The following MALRD1 variants were observed in gnomAD, a reference collection of about 807,000 sequenced individuals.
MALRD1 encodes MAM and LDL receptor class A domain containing 1.
A neutral mutation model predicts 242.1 loss-of-function variants in MALRD1; 247 were observed. That is an observed-to-expected ratio of 1.02 (90% CI 0.92 to 1.13). MALRD1 has a LOEUF of 1.13. Among genes scored for constraint, MALRD1 ranks in the 50% most tolerant of loss-of-function variants. MALRD1 has a pLI of 0.00. For missense variants in MALRD1, 2,989 were observed against 2,533.1 expected, an observed-to-expected ratio of 1.18 and a Z score of -3.86; for synonymous variants, 995 against 866.6, an observed-to-expected ratio of 1.15 and a Z score of -2.60.
At chr10:19,403,471 G>T (rs1846955833) in intron 28 of MALRD1, among the ~76,000 whole-genome samples, 1 of 152,050 alleles carries the variant, frequency 6.6e-6, no homozygotes, top group African/African-American at 2.4e-5. Context: ...ATTGAGCATT[G>T]CTTTGCCCTC....
At chr10:19,705,898 C>G (rs1304524931) in intron 38 of MALRD1, among the ~76,000 whole-genome samples, 3 of 150,850 alleles carry the variant, frequency 2.0e-5, no homozygotes, top group Non-Finnish European at 2.9e-5. Context: ...AAACATTCTA[C>G]CCCTTACCCT....
chr10:19,185,591 T>C (rs1321107908), intron 14 of MALRD1, among the ~76,000 whole-genome samples: 1 of 152,180 alleles, frequency 6.6e-6, no homozygotes, highest in Non-Finnish European at 1.5e-5. Context: ...TACAGAAATA[T>C]GTGCATTAGA....
chr10:19,130,290 T>C (rs1467252766), intron 8 of MALRD1, among the ~76,000 whole-genome samples: 1 of 152,142 alleles, frequency 6.6e-6, no homozygotes, highest in Non-Finnish European at 1.5e-5. Flanking sequence ...CCACCATTCA[T>C]GCCTCAATAT....
chr10:19,278,557 C>T (rs1300653534), intron 19 of MALRD1, among the ~76,000 whole-genome samples: 6 of 152,066 alleles, frequency 3.9e-5, no homozygotes, highest in African/African-American at 1.4e-4. Flanking sequence ...CTACCATATG[C>T]CATGGTCCAT....
chr10:19,184,651 T>C (rs770012880), intron 14 of MALRD1, among the ~76,000 whole-genome samples: 4 of 152,076 alleles, frequency 2.6e-5, no homozygotes, highest in Non-Finnish European at 5.9e-5. Context: ...CGGATTCAAG[T>C]GATTCTCCTG....
intron 36 of MALRD1, among the ~76,000 whole-genome samples, chr10:19,627,686 G>A (rs1202232169): frequency 2.6e-5 from 4 of 151,194 alleles, no homozygotes; most frequent in Non-Finnish European, 4.4e-5. Flanking sequence ...ACTTGAACAC[G>A]GTGGGCAGAG....
At chr10:19,687,923 GTTATGTTATGTTA>G (rs1842646621) in intron 36 of MALRD1, among the ~76,000 whole-genome samples, 1 of 46,512 alleles carries the variant, frequency 2.1e-5, no homozygotes, top group African/African-American at 1.0e-4. Context: ...GTTATGTTAT[GTTATGTTATGTTA>G]TGTTATGTTA....
At chr10:19,147,062 G>T (rs1439931070) in intron 11 of MALRD1, among the ~76,000 whole-genome samples, 1 of 151,682 alleles carries the variant, frequency 6.6e-6, no homozygotes, top group Non-Finnish European at 1.5e-5. Context: ...TCGCCATGTT[G>T]CCCAGGTTGA....
chr10:19,538,409 C>G (rs1454215607), intron 32 of MALRD1, among the ~76,000 whole-genome samples: 1 of 152,120 alleles, frequency 6.6e-6, no homozygotes, highest in Non-Finnish European at 1.5e-5. Context: ...ACCAGAAGAA[C>G]TTACAAAGAT....
intron 5 of MALRD1, among the ~76,000 whole-genome samples, chr10:19,111,965 T>C (rs547167645): frequency 6.6e-6 from 1 of 152,080 alleles, no homozygotes; most frequent in African/African-American, 2.4e-5. Context: ...ATGTGAGAGA[T>C]TGTAAAATTA....
At chr10:19,318,970 G>GAC (rs1177696373) in intron 21 of MALRD1, among the ~76,000 whole-genome samples, 6 of 53,398 alleles carry the variant, frequency 1.1e-4, no homozygotes, top group Non-Finnish European at 1.9e-4. Context: ...AACGTACACA[G>GAC]ACATACACAC....
At chr10:19,124,027 A>G (rs1333207921) in intron 6 of MALRD1, among the ~76,000 whole-genome samples, 3 of 148,164 alleles carry the variant, frequency 2.0e-5, no homozygotes, top group Admixed American at 1.4e-4. Flanking sequence ...GCAATATAGC[A>G]AGATGTCATC....
chr10:19,617,948 T>C (rs1354020572), intron 36 of MALRD1, among the ~76,000 whole-genome samples: 2 of 152,016 alleles, frequency 1.3e-5, no homozygotes, highest in African/African-American at 4.8e-5. Context: ...CTAGTACTCA[T>C]TTTTTATTTT....
At chr10:19,486,370 T>A (rs1315790051) in intron 29 of MALRD1, among the ~76,000 whole-genome samples, 1 of 152,190 alleles carries the variant, frequency 6.6e-6, no homozygotes, top group Non-Finnish European at 1.5e-5. Context: ...TTTCATGCCT[T>A]CAATGCATCT....
At chr10:19,512,628 C>T (rs1200272781) in intron 31 of MALRD1, among the ~76,000 whole-genome samples, 1 of 152,162 alleles carries the variant, frequency 6.6e-6, no homozygotes, top group Non-Finnish European at 1.5e-5. Flanking sequence ...AACCAGGAAA[C>T]ATACAAACTA....
At chr10:19,631,111 A>G (rs968310101) in intron 36 of MALRD1, among the ~76,000 whole-genome samples, 9 of 152,234 alleles carry the variant, frequency 5.9e-5, no homozygotes, top group Middle Eastern at 3.4e-3. Context: ...CTAATAACCA[A>G]TAGTTATTTT....
At chr10:19,379,125 G>C (rs1845729232) in intron 26 of MALRD1, among the ~76,000 whole-genome samples, 1 of 151,888 alleles carries the variant, frequency 6.6e-6, no homozygotes, top group Admixed American at 6.6e-5. Context: ...TTTTTAAACT[G>C]TATACAACAT....
rs116463881 is a variant in MALRD1, at chr10:19,519,818, A to C, written c.5321-11376A>C. On this transcript the variant is annotated intron_variant, in intron 31 of 39. Coordinates refer to ENST00000454679, the MANE Select transcript of MALRD1 (RefSeq NM_001142308.3). ...TATTTTCTAATTATTATATTTGTTC[A>C]ATGATTAAGTAAATACTTTAGTTTG... Among the ~76,000 whole-genome samples, 894 of 152,326 alleles carry C rather than the reference A, an allele frequency of 5.9e-3. 11 individuals carry two copies. The highest frequency in any genetic ancestry group is 0.02 in the African/African-American group (843 of 41,572).
At position 19,205,261 on chromosome 10, in the gene MALRD1, C is replaced by A. The variant is rs1422032218; in HGVS notation, c.2574C>A (p.Asn858Lys). 1.6e-5 allele frequency: 25 copies of A among 1,542,814 alleles called. No individual in the cohort carries two copies. The highest frequency in any genetic ancestry group is 1.8e-5 in the Non-Finnish European group (21 of 1,143,190). ...GTGGTGATCGTACTGATGAAGTCAA[C>A]TGTGGTAAGTTCTTTTTGGTTGGGG... ...DDCGDRTDEV[N>K]CAPELQCNFE... Residue 858 changes from asparagine (N) to lysine (K), a missense_variant, in exon 17 of 40, where the codon AAC becomes AAA. By Grantham distance (94) the Asn-to-Lys change is moderately conservative. Transcript: ENST00000454679.
Sources: allele counts gnomAD v4.1 joint callset (sites outside exome capture counted in the v4.1 genomes callset), GRCh38; gene constraint gnomAD v4.1.1; transcripts MANE v1.5; gene names NCBI Gene and HGNC (gene_info 2026-07-23, HGNC 2026-07-21).